The following GRIA4 variants were observed in gnomAD, a reference collection of about 807,000 sequenced individuals.
GRIA4 encodes the protein glutamate receptor 4.
In GRIA4, 34 loss-of-function variants were observed where a neutral mutation model predicts 104.0. The ratio of observed to expected loss-of-function variants is 0.33; its 90% confidence interval spans 0.25 to 0.44. The LOEUF is 0.44. Among genes scored for constraint, GRIA4 ranks in the 20% least tolerant of loss-of-function variants. GRIA4 has a pLI of 1.00. For missense variants in GRIA4, 750 were observed against 1,096.5 expected, an observed-to-expected ratio of 0.68 and a Z score of 4.46; for synonymous variants, 386 against 381.9, an observed-to-expected ratio of 1.01 and a Z score of -0.13.
intron 3 of GRIA4, among the ~76,000 whole-genome samples, chr11:105,725,248 G>A (rs368159768): frequency 1.1e-4 from 17 of 152,098 alleles, no homozygotes; most frequent in South Asian, 4.2e-4. Context: ...TCTAATTCTG[G>A]CTCACTGAGT....
chr11:105,717,827 G>C (rs796655255), intron 3 of GRIA4, among the ~76,000 whole-genome samples: 58 of 149,986 alleles, frequency 3.9e-4, no homozygotes, highest in African/African-American at 1.3e-3. Context: ...TCGTCATCTA[G>C]CATTAGGTAT....
chr11:105,952,153 T>C (rs1487098847), intron 14 of GRIA4, among the ~76,000 whole-genome samples: 3 of 152,138 alleles, frequency 2.0e-5, no homozygotes, highest in African/African-American at 7.2e-5. Flanking sequence ...TAGACAGACT[T>C]AGAAGTCATC....
intron 3 of GRIA4, among the ~76,000 whole-genome samples, chr11:105,678,929 A>G (rs139985704): frequency 4.6e-5 from 7 of 152,268 alleles, no homozygotes; most frequent in Admixed American, 4.6e-4. Context: ...AAAGGTTCCA[A>G]AACTGAATCA....
At chr11:105,923,632 T>A (rs1947627769) in intron 11 of GRIA4, among the ~76,000 whole-genome samples, 2 of 152,316 alleles carry the variant, frequency 1.3e-5, no homozygotes, top group Non-Finnish European at 2.9e-5. Context: ...CCTCATTTTA[T>A]AGCTGTAGAA....
intron 3 of GRIA4, among the ~76,000 whole-genome samples, chr11:105,646,411 A>T (rs1213756338): frequency 2.0e-5 from 3 of 152,150 alleles, no homozygotes; most frequent in Non-Finnish European, 4.4e-5. Context: ...TTGGCAACAT[A>T]GTGAGACTCT....
At position 105,885,965 on chromosome 11, in the gene GRIA4, G is replaced by A. The variant is rs771921323; in HGVS notation, c.673-1554G>A. 6.6e-5 allele frequency among the ~76,000 whole-genome samples: 10 copies of A among 152,162 alleles called. No individual in the cohort carries two copies. In the East Asian group the frequency reaches 1.9e-3, roughly 29 times the overall value. On this transcript the variant is annotated intron_variant, in intron 5 of 16. Coordinates refer to ENST00000282499, the MANE Select transcript of GRIA4 (RefSeq NM_000829.4). ...TCCCAGGATTGTTAAAGGGCAATCA[G>A]CCCTCATAGTCAGGAAGTACAACAA...
At chr11:105,843,364 T>C (rs1236537303) in intron 4 of GRIA4, among the ~76,000 whole-genome samples, 3 of 152,230 alleles carry the variant, frequency 2.0e-5, no homozygotes, top group East Asian at 3.8e-4. Context: ...TTTAAAGTTT[T>C]AAATTGGTTT....
chr11:105,711,039 T>G (rs972864324), intron 3 of GRIA4, among the ~76,000 whole-genome samples: 1 of 151,968 alleles, frequency 6.6e-6, no homozygotes, highest in African/African-American at 2.4e-5. Flanking sequence ...AATACCAAGG[T>G]AGTGAATCAT....
At chr11:105,933,649 T>A (rs1277565034) in intron 13 of GRIA4, 73 bp from the exon 14 acceptor site, 2 of 1,148,064 alleles carry the variant, frequency 1.7e-6, no homozygotes, top group Non-Finnish European at 2.5e-6. Context: ...GCTTTATTCT[T>A]ATCTTGGTTC....
intron 4 of GRIA4, among the ~76,000 whole-genome samples, chr11:105,827,669 GAAGA>G (rs1943824029): frequency 6.6e-6 from 1 of 151,980 alleles, no homozygotes; most frequent in African/African-American, 2.4e-5. Flanking sequence ...CAGAGCTAGA[GAAGA>G]AATAGAGCTA....
At chr11:105,937,702 T>A (rs953224055) in intron 14 of GRIA4, among the ~76,000 whole-genome samples, 26 of 152,104 alleles carry the variant, frequency 1.7e-4, no homozygotes, top group African/African-American at 6.0e-4. Context: ...TCATCCAAAC[T>A]TTGCCTCCTC....
chr11:105,951,944 C>G (rs974317179), intron 14 of GRIA4, among the ~76,000 whole-genome samples: 1 of 152,060 alleles, frequency 6.6e-6, no homozygotes, highest in Admixed American at 6.6e-5. Flanking sequence ...GCCTGGGCAA[C>G]AGAGTGAGAC....
chr11:105,675,114 A>C (rs1270294962), intron 3 of GRIA4, among the ~76,000 whole-genome samples: 1 of 151,860 alleles, frequency 6.6e-6, no homozygotes, highest in Non-Finnish European at 1.5e-5. Flanking sequence ...AGACTCAGAA[A>C]AGGTAGTCAA....
At chr11:105,913,946 G>T (rs1053726712) in intron 10 of GRIA4, among the ~76,000 whole-genome samples, 3 of 151,684 alleles carry the variant, frequency 2.0e-5, no homozygotes, top group African/African-American at 7.3e-5. Context: ...GTTATTTTTT[G>T]TACTTTTTAT....
At chr11:105,625,575 ATAACT>A (rs1950866230) in intron 3 of GRIA4, among the ~76,000 whole-genome samples, 1 of 152,142 alleles carries the variant, frequency 6.6e-6, no homozygotes, top group Non-Finnish European at 1.5e-5. Flanking sequence ...TTAAAATATA[ATAACT>A]TAAATTAACT....
chr11:105,938,411 G>A (rs1439842524), intron 14 of GRIA4, among the ~76,000 whole-genome samples: 2 of 152,058 alleles, frequency 1.3e-5, no homozygotes, highest in African/African-American at 2.4e-5. Context: ...AAACGTAAAC[G>A]TACAGAAATC....
At chr11:105,922,713 TA>T in intron 11 of GRIA4, among the ~76,000 whole-genome samples, 1 of 152,242 alleles carries the variant, frequency 6.6e-6, no homozygotes, top group South Asian at 2.1e-4. Context: ...TATTCCTTTT[TA>T]AAAGAAATTA....
At chr11:105,662,149 C>A (rs1438382571) in intron 3 of GRIA4, among the ~76,000 whole-genome samples, 2 of 151,764 alleles carry the variant, frequency 1.3e-5, no homozygotes. Context: ...ATAACGTAAT[C>A]ATTGTTGATG....
At chr11:105,744,533 G>T (rs1939524700) in intron 3 of GRIA4, among the ~76,000 whole-genome samples, 1 of 152,124 alleles carries the variant, frequency 6.6e-6, no homozygotes, top group Non-Finnish European at 1.5e-5. Flanking sequence ...ATACGGAGTG[G>T]TAAGGCTTGC....
Sources: gnomAD v4.1 joint callset for allele counts (sites outside exome capture counted in the v4.1 genomes callset) on GRCh38, gnomAD v4.1.1 for gene constraint, MANE v1.5 for transcripts, NCBI Gene and HGNC (gene_info 2026-07-23, HGNC 2026-07-21) for gene names.